Variants in ST14 observed in about 807,000 individuals in gnomAD.
The protein encoded by ST14 is ST14 transmembrane serine protease matriptase.
In ST14, 40 loss-of-function variants were observed where a neutral mutation model predicts 96.5. The ratio of observed to expected loss-of-function variants is 0.41; its 90% CI spans 0.32 to 0.54. ST14 has a LOEUF of 0.54. Among genes scored for constraint, ST14 ranks in the 20% least tolerant of loss-of-function variants. ST14 has a pLI of 0.17. For missense variants in ST14, 1,066 were observed against 1,188.9 expected, an observed-to-expected ratio of 0.90 and a Z score of 1.52; for synonymous variants, 506 against 492.1, an observed-to-expected ratio of 1.03 and a Z score of -0.37.
rs2136212035 is a variant in ST14, at chr11:130,188,651, G to A, written c.363G>A (p.Lys121=). Reference sequence around the variant, plus strand: ...TTGTAAGCCTGGCCAGCAAGGTGAAGGACGCGGTGAGTGCAGCCTGCCCAG... The same window carrying A: ...TTGTAAGCCTGGCCAGCAAGGTGAAAGACGCGGTGAGTGCAGCCTGCCCAG... ...TEFVSLASKV[K]DALKLLYSGV... Residue 121 remains lysine, a synonymous_variant, in exon 3 of 19, where the codon AAG becomes AAA. Coordinates refer to ENST00000278742, the MANE Select transcript of ST14 (RefSeq NM_021978.4). The surrounding 1 kb of genome is among the most constrained non-coding windows in gnomAD (Gnocchi z 5.4). 2.5e-6 allele frequency: 4 copies of A among 1,614,216 alleles called. No individual in the cohort carries two copies. The highest frequency in any genetic ancestry group is 3.4e-6 in the Non-Finnish European group (4 of 1,180,038).
At chr11:130,167,460 G>A (rs943935378) in intron 1 of ST14, among the ~76,000 whole-genome samples, 2 of 152,176 alleles carry the variant, frequency 1.3e-5, no homozygotes, top group African/African-American at 4.8e-5. Flanking sequence ...TCTTGTGTGT[G>A]TGTTCTGCTG....
chr11:130,176,712 C>T (rs569106771), intron 1 of ST14, among the ~76,000 whole-genome samples: 20 of 150,238 alleles, frequency 1.3e-4, no homozygotes, highest in African/African-American at 4.4e-4. Flanking sequence ...ATTCCTTGAG[C>T]TGGCTCTTTG....
chr11:130,160,176 C>A (rs1039952164), intron 1 of ST14, 116 bp downstream of exon 1: 9 of 677,908 alleles, frequency 1.3e-5, no homozygotes, highest in Admixed American at 4.6e-5. Flanking sequence ...GAGCTCTGGG[C>A]GCACAGGTGG....
chr11:130,201,520 C>A (rs981203653), intron 16 of ST14, among the ~76,000 whole-genome samples: 2 of 152,240 alleles, frequency 1.3e-5, no homozygotes, highest in African/African-American at 4.8e-5. Flanking sequence ...ACAGCAAGAG[C>A]CTGTGGGGAG....
chr11:130,198,562 A>G lies in ST14; in HGVS notation c.1625A>G (p.Gln542Arg). ...AATGGGAAGTGCCTCTCGAAAAGCCAGCAGTGCAATGGGAAGGACGACTGT... is the reference window on the plus strand; with the variant it reads ...AATGGGAAGTGCCTCTCGAAAAGCCGGCAGTGCAATGGGAAGGACGACTGT... ...CSNGKCLSKS[Q>R]QCNGKDDCGD... is the part of the protein sequence containing the mutation. Residue 542 changes from glutamine to arginine, a missense_variant, in exon 14 of 19, where the codon CAG becomes CGG. Gln to Arg is a conservative substitution (Grantham distance 43). Coordinates refer to ENST00000278742, the MANE Select transcript of ST14 (RefSeq NM_021978.4). 1 of 1,614,100 alleles carries G rather than the reference A, an allele frequency of 6.2e-7. No individual in the cohort carries two copies. Among genetic ancestry groups the G allele is most frequent in the Non-Finnish European group, 8.5e-7 (1 of 1,180,016 alleles).
Position 130,188,314 on chromosome 11 carries a change from G to A in ST14, c.241+41G>A. On this transcript the variant is annotated intron_variant, in intron 2 of 18. Coordinates refer to ENST00000278742, the MANE Select transcript of ST14 (RefSeq NM_021978.4). The surrounding 1 kb of genome is among the most constrained non-coding windows in gnomAD (Gnocchi z 5.4). ...GCTGGCTCCGGGGAGGACGACAAGG[G>A]GTGGCTGTCCCTCTTCCCTCAGCGG... 6.3e-7 allele frequency: 1 copy of A among 1,599,456 alleles called. No individual in the cohort carries two copies.
In ST14 at chr11:130,210,088, C is replaced by G. The variant is rs1417998954; in HGVS notation, c.*265C>G. 9 of 489,602 alleles carry G rather than the reference C, an allele frequency of 1.8e-5. No individual in the cohort carries two copies. The East Asian group carries it at 2.2e-4, about 12-fold the overall frequency. 30.3% of individuals were successfully genotyped at this position (489,602 alleles called of 1,614,324 possible). On this transcript the variant is annotated 3_prime_UTR_variant, in exon 19 of 19. Transcript: ENST00000278742. Reference sequence around the variant, plus strand: ...AAAGGTTTGAAGACACAGCCTCCCCCGCCAGCCCCAAGCTGGGCCGAGGCG... The same window carrying G: ...AAAGGTTTGAAGACACAGCCTCCCCGGCCAGCCCCAAGCTGGGCCGAGGCG...
At chr11:130,165,773 T>G (rs1373787547) in intron 1 of ST14, among the ~76,000 whole-genome samples, 1 of 152,184 alleles carries the variant, frequency 6.6e-6, no homozygotes, top group African/African-American at 2.4e-5. Context: ...ACAACAGCTG[T>G]GTGGGGGAAA....
intron 9 of ST14, among the ~76,000 whole-genome samples, chr11:130,195,612 T>C (rs1953352265): frequency 6.6e-6 from 1 of 151,952 alleles, no homozygotes; most frequent in Admixed American, 6.6e-5. Context: ...CCCAGAACTT[T>C]GGGAGGCCAA....
At chr11:130,193,892 A>T (rs1187839462) in intron 7 of ST14, among the ~76,000 whole-genome samples, 1 of 151,542 alleles carries the variant, frequency 6.6e-6, no homozygotes, top group Non-Finnish European at 1.5e-5. Context: ...GACAAAGGTG[A>T]ACTGTTTATC....
In ST14 at chr11:130,175,764, A is replaced by G. The variant is rs538919797; in HGVS notation, c.82-12350A>G. On this transcript the variant is annotated intron_variant, in intron 1 of 18. Transcript: ENST00000278742. ...CTGCAACCTCCACCCCCTGGGTTCA[A>G]GCGATTCTCCTGTCTCAGCCTCCCG... Among the ~76,000 whole-genome samples, 33 of 151,648 alleles carry G rather than the reference A, an allele frequency of 2.2e-4. No homozygotes were observed. The South Asian group carries it at 6.9e-3, about 32-fold the overall frequency.
intron 1 of ST14, among the ~76,000 whole-genome samples, chr11:130,180,334 C>A (rs1953180494): frequency 6.6e-6 from 1 of 152,238 alleles, no homozygotes; most frequent in African/African-American, 2.4e-5. Flanking sequence ...CCAGGTTCAG[C>A]CGCTTCCTTC....
Position 130,200,009 on chromosome 11 carries a change from T to C in ST14, c.1866T>C (p.Asp622=), listed in dbSNP as rs1267056315. The change falls in exon 16 of 19, where the codon GAT becomes GAC. Residue 622 remains aspartate, a synonymous_variant. Transcript: ENST00000278742. ...QARVVGGTDA[D]EGEWPWQVSL... ...GTGTTGTTGGGGGCACGGATGCGGATGAGGGCGAGTGGCCCTGGCAGGTAA... is the reference window on the plus strand; with the variant it reads ...GTGTTGTTGGGGGCACGGATGCGGACGAGGGCGAGTGGCCCTGGCAGGTAA... 5.6e-6 allele frequency: 9 copies of C among 1,613,962 alleles called. No homozygotes were observed. Among genetic ancestry groups the C allele is most frequent in the Middle Eastern group, 3.3e-4 (2 of 6,078 alleles).
Position 130,189,802 on chromosome 11 carries a change from G to C in ST14, c.504G>C (p.Glu168Asp), listed in dbSNP as rs763818009. 1.2e-6 allele frequency: 2 copies of C among 1,613,912 alleles called. No homozygotes were observed. The highest frequency in any genetic ancestry group is 4.5e-5 in the East Asian group (2 of 44,874). Residue 168 changes from glutamate (E) to aspartate (D), a missense_variant, in exon 5 of 19, where the codon GAG becomes GAC. Coordinates refer to ENST00000278742, the MANE Select transcript of ST14 (RefSeq NM_021978.4). ...GCATCCCGCAGCACCTGGTGGAGGAGGCCGAGCGCGTCATGGCCGAGGAGC... is the reference window on the plus strand; with the variant it reads ...GCATCCCGCAGCACCTGGTGGAGGACGCCGAGCGCGTCATGGCCGAGGAGC... The part of the protein sequence containing the change: ...EFSIPQHLVE[E>D]AERVMAEERV...
rs149947898 is a variant in ST14, at chr11:130,164,636, C to T, written c.81+4576C>T. Among the ~76,000 whole-genome samples the T allele has an allele frequency of 4.1e-3, 622 of 151,934 alleles. 18 individuals are homozygous for T. The East Asian group carries it at 0.058, about 14-fold the overall frequency. On this transcript the variant is annotated intron_variant, in intron 1 of 18. Transcript: ENST00000278742. ...GTCTTGCTATGTTGCCCAAGCTGGTCTTGAACTCCTGGGCTCAAGTGATCT... is the reference window on the plus strand; with the variant it reads ...GTCTTGCTATGTTGCCCAAGCTGGTTTTGAACTCCTGGGCTCAAGTGATCT...
At chr11:130,172,751 T>C (rs1262236009) in intron 1 of ST14, among the ~76,000 whole-genome samples, 1 of 152,158 alleles carries the variant, frequency 6.6e-6, no homozygotes, top group Non-Finnish European at 1.5e-5. Context: ...CAGAGTCCTC[T>C]ACTGAGGACA....
At chr11:130,174,434 C>T (rs1457332234) in intron 1 of ST14, among the ~76,000 whole-genome samples, 2 of 151,574 alleles carry the variant, frequency 1.3e-5, no homozygotes, top group Non-Finnish European at 2.9e-5. Context: ...AATTTTGAAC[C>T]CAAATCTATC....
At chr11:130,175,076 T>TC (rs1320792735) in intron 1 of ST14, among the ~76,000 whole-genome samples, 5 of 152,296 alleles carry the variant, frequency 3.3e-5, no homozygotes, top group African/African-American at 1.2e-4. Context: ...AACAGAAGTG[T>TC]TCTCTGAATT....
Position 130,196,324 on chromosome 11 carries a change from C to T in ST14, c.1114-15C>T, listed in dbSNP as rs200263299. 1 of 1,568,862 alleles carries T rather than the reference C, an allele frequency of 6.4e-7. No individual in the cohort carries two copies. Among genetic ancestry groups the T allele is most frequent in the Non-Finnish European group, 8.7e-7 (1 of 1,155,400 alleles). ...GAGGGGAACTGCACATTCCCAGCAG[C>T]CTCTCTTCCCTCAGGTGCCCAACAA... is the stretch of plus-strand genomic sequence containing the variant. On this transcript the variant is annotated splice_polypyrimidine_tract_variant and intron_variant, in intron 9 of 18. Coordinates refer to ENST00000278742, the MANE Select transcript of ST14 (RefSeq NM_021978.4).
Sources: gnomAD v4.1 joint callset for allele counts (sites outside exome capture counted in the v4.1 genomes callset) on GRCh38, gnomAD v4.1.1 for gene constraint, Gnocchi (gnomAD v3.1) non-coding constraint, MANE v1.5 for transcripts, NCBI Gene and HGNC (gene_info 2026-07-23, HGNC 2026-07-21) for gene names.